The following FOXN3 variants were observed in gnomAD, a reference collection of about 807,000 sequenced individuals.
The protein encoded by FOXN3 is forkhead box protein N3.
A neutral mutation model predicts 38.4 loss-of-function variants in FOXN3; 7 were observed. The ratio of observed to expected loss-of-function variants is 0.18; its 90% CI spans 0.10 to 0.34. FOXN3 has a LOEUF of 0.34. FOXN3 is among the 10% of genes least tolerant of loss of function. The pLI, the probability that FOXN3 is intolerant of heterozygous loss-of-function variation, is 1.00. For missense variants in FOXN3, 456 were observed against 613.4 expected, an observed-to-expected ratio of 0.74 and a Z score of 2.71; for synonymous variants, 230 against 242.2, an observed-to-expected ratio of 0.95 and a Z score of 0.47.
Position 89,164,595 on chromosome 14 carries a change from C to A in FOXN3, c.852-1626G>T, listed in dbSNP as rs547191917. On this transcript the variant is annotated intron_variant, in intron 5 of 5. Coordinates refer to ENST00000557258, the MANE Select transcript of FOXN3 (RefSeq NM_005197.4). This position sits in a 1 kb window ranked among gnomAD's most constrained non-coding sequence, Gnocchi z 4.3. ...TTACTGCTAGGCCCCCAGTGGCTATCGCCGTGTCAGCACGGTGGACACAGC... is the reference window on the plus strand; with the variant it reads ...TTACTGCTAGGCCCCCAGTGGCTATAGCCGTGTCAGCACGGTGGACACAGC... Among the ~76,000 whole-genome samples, 1 of 152,268 alleles carries A rather than the reference C, an allele frequency of 6.6e-6. No homozygotes were observed. Among genetic ancestry groups the A allele is most frequent in the Non-Finnish European group, 1.5e-5 (1 of 68,018 alleles).
chr14:89,547,034 C>T (rs1004407320), intron 1 of FOXN3, among the ~76,000 whole-genome samples: 3 of 151,868 alleles, frequency 2.0e-5, no homozygotes, highest in Non-Finnish European at 4.4e-5. Flanking sequence ...ATCCACCCGC[C>T]GCAGCCTCCC....
intron 1 of FOXN3, among the ~76,000 whole-genome samples, chr14:89,438,436 A>C (rs537556023): frequency 6.6e-6 from 1 of 152,372 alleles, no homozygotes; most frequent in African/African-American, 2.4e-5. Context: ...GAAGCTTACA[A>C]ATTTTTTTCT....
intron 3 of FOXN3, among the ~76,000 whole-genome samples, chr14:89,325,355 C>CTA (rs1464626209): frequency 0.042 from 5,685 of 136,674 alleles, 79 homozygotes; most frequent in East Asian, 0.089. Flanking sequence ...ACCACCACCA[C>CTA]CACCACTACC....
At chr14:89,546,329 C>CTTTTTTTTTCTTTTTTTTTT (rs1894880091) in intron 1 of FOXN3, among the ~76,000 whole-genome samples, 11 of 78,318 alleles carry the variant, frequency 1.4e-4, no homozygotes, top group South Asian at 4.9e-4. Flanking sequence ...TTTCCTTTTT[C>CTTTTTTTTTCTTTTTTTTTT]TTTTTTTTTT....
At position 89,459,410 on chromosome 14, in the gene FOXN3, G is replaced by A. The variant is rs149417449; in HGVS notation, c.-14-46920C>T. 2.0e-5 allele frequency among the ~76,000 whole-genome samples: 3 copies of A among 152,222 alleles called. No homozygotes were observed. In the East Asian group the frequency reaches 5.8e-4, roughly 29 times the overall value. ...CAAACCATTAGCCTTTCAGGAACAG[G>A]GACAGCACATTAGCATTAGAAGGAG... On this transcript the variant is annotated intron_variant, in intron 1 of 6. Coordinates refer to the FOXN3 transcript ENST00000345097.
At chr14:89,291,006 G>A (rs959317861) in intron 3 of FOXN3, 8 of 448,742 alleles carry the variant, frequency 1.8e-5, no homozygotes, top group African/African-American at 1.6e-4. Context: ...GAGGCCCGTG[G>A]TGTGGTGCTC....
At chr14:89,194,904 T>A (rs1473878303) in intron 4 of FOXN3, among the ~76,000 whole-genome samples, 1 of 152,238 alleles carries the variant, frequency 6.6e-6, no homozygotes, top group Non-Finnish European at 1.5e-5. Flanking sequence ...CATGCAAATC[T>A]ATTTTTTTAA....
chr14:89,261,515 C>A (rs572978348), intron 4 of FOXN3, among the ~76,000 whole-genome samples: 1 of 152,246 alleles, frequency 6.6e-6, no homozygotes, highest in South Asian at 2.1e-4. Context: ...GAAGGAGGGC[C>A]GGCGGCAGTG....
rs1888929979 is a variant in FOXN3, at chr14:89,350,588, G to A, written c.680+84C>T. On this transcript the variant is annotated intron_variant, in intron 3 of 5. Transcript: ENST00000557258. ...GCAGTTATTTTTAAAATCTCGTACG[G>A]CCTATTAAATTAATTTCCGCGCAGG... is the stretch of plus-strand genomic sequence containing the variant. The A allele has an allele frequency of 9.4e-6, 11 of 1,171,124 alleles. No individual in the cohort carries two copies. In the South Asian group the frequency reaches 1.8e-4, roughly 19 times the overall value. The allele number at this position is 1,171,124 out of a possible 1,614,324, so 72.5% of individuals were successfully genotyped here.
At chr14:89,383,954 TA>T (rs901049001) in intron 2 of FOXN3, among the ~76,000 whole-genome samples, 20 of 147,920 alleles carry the variant, frequency 1.4e-4, no homozygotes, top group African/African-American at 2.2e-4. Context: ...CATGCCCAGC[TA>T]AAAAAAAAAT....
chr14:89,173,802 GC>G (rs1887450426), intron 5 of FOXN3, among the ~76,000 whole-genome samples: 1 of 152,126 alleles, frequency 6.6e-6, no homozygotes, highest in Non-Finnish European at 1.5e-5. Flanking sequence ...ATCAGCCTGG[GC>G]AACATGGCAA....
Position 89,313,028 on chromosome 14 carries a change from C to A in FOXN3, c.681-32014G>T, listed in dbSNP as rs57295267. On this transcript the variant is annotated intron_variant, in intron 3 of 5. Coordinates refer to ENST00000557258, the MANE Select transcript of FOXN3 (RefSeq NM_005197.4). ...CCAAAGAGGACAACTCTAGAACAGT[C>A]CCTCAGCAAATCACTCACAACCAAG... 0.015 allele frequency among the ~76,000 whole-genome samples: 2,245 copies of A among 152,290 alleles called. 132 individuals carry two copies. The East Asian group carries it at 0.21, about 14-fold the overall frequency.
At chr14:89,365,234 AGT>A (rs1381282668) in intron 2 of FOXN3, among the ~76,000 whole-genome samples, 3 of 151,890 alleles carry the variant, frequency 2.0e-5, no homozygotes, top group Non-Finnish European at 2.9e-5. Context: ...ACACATCTGC[AGT>A]GTGTCACCTC....
At chr14:89,516,409 T>C (rs1894204026) in intron 1 of FOXN3, among the ~76,000 whole-genome samples, 2 of 152,314 alleles carry the variant, frequency 1.3e-5, no homozygotes, top group South Asian at 4.1e-4. Flanking sequence ...CGTGGTATTC[T>C]ACATGCAATA....
chr14:89,286,392 G>A (rs916564360), intron 3 of FOXN3, among the ~76,000 whole-genome samples: 2 of 152,150 alleles, frequency 1.3e-5, no homozygotes, highest in African/African-American at 2.4e-5. Flanking sequence ...CGGGGATGGG[G>A]TGGGGGGAAA....
chr14:89,244,478 A>C (rs569945376), intron 4 of FOXN3, among the ~76,000 whole-genome samples: 1 of 152,334 alleles, frequency 6.6e-6, no homozygotes, highest in East Asian at 1.9e-4. Context: ...GAGTATGAAA[A>C]GGCAAAGCTA....
At chr14:89,316,547 G>C (rs1235255623) in intron 3 of FOXN3, among the ~76,000 whole-genome samples, 1 of 147,744 alleles carries the variant, frequency 6.8e-6, no homozygotes, top group Non-Finnish European at 1.5e-5. Flanking sequence ...TTAATATAGA[G>C]ATGGAGTCTC....
intron 3 of FOXN3, chr14:89,290,496 G>A: frequency 6.2e-6 from 3 of 483,074 alleles, no homozygotes; most frequent in Non-Finnish European, 1.2e-5. Context: ...GTTTTCCACT[G>A]GAATGGAGTT....
chr14:89,234,478 G>A (rs1329852521), intron 4 of FOXN3, among the ~76,000 whole-genome samples: 1 of 152,130 alleles, frequency 6.6e-6, no homozygotes, highest in African/African-American at 2.4e-5. Flanking sequence ...AGTGTTGGAG[G>A]CGGGGCCTGG....
Sources: gnomAD v4.1 joint callset for allele counts (sites outside exome capture counted in the v4.1 genomes callset) on GRCh38, gnomAD v4.1.1 for gene constraint, Gnocchi (gnomAD v3.1) non-coding constraint, MANE v1.5 for transcripts, NCBI Gene and HGNC (gene_info 2026-07-23, HGNC 2026-07-21) for gene names.